Variants in KPNA4 observed in about 807,000 individuals in gnomAD.
KPNA4 encodes the protein importin subunit alpha-3.
A neutral mutation model predicts 71.3 loss-of-function variants in KPNA4; 13 were observed. That is an observed-to-expected ratio of 0.18 (90% CI 0.12 to 0.29). The LOEUF (loss-of-function observed/expected upper bound fraction) is 0.29, where lower values mean the gene tolerates loss of function less well. KPNA4 is among the 10% of genes least tolerant of loss of function. The pLI, the probability that KPNA4 is intolerant of heterozygous loss-of-function variation, is 1.00. For missense variants in KPNA4, 334 were observed against 603.2 expected, an observed-to-expected ratio of 0.55 and a Z score of 4.67; for synonymous variants, 189 against 195.2, an observed-to-expected ratio of 0.97 and a Z score of 0.26.
chr3:160,521,323 G>C (rs1042606712), intron 11 of KPNA4, among the ~76,000 whole-genome samples: 8 of 152,184 alleles, frequency 5.3e-5, no homozygotes, highest in South Asian at 2.1e-4. Context: ...ATCCGGCCAG[G>C]CATGGTGGTT....
intron 1 of KPNA4, among the ~76,000 whole-genome samples, chr3:160,548,933 C>A (rs1721984452): frequency 6.6e-6 from 1 of 152,206 alleles, no homozygotes. Flanking sequence ...GAATTCTCCA[C>A]ATCTTCACCA....
intron 1 of KPNA4, among the ~76,000 whole-genome samples, chr3:160,545,596 T>A (rs62272800): frequency 0.44 from 67,331 of 151,954 alleles, 16,435 homozygotes; most frequent in Non-Finnish European, 0.55. Context: ...GGGTAGGAAA[T>A]GGAGGCTAGC....
At chr3:160,519,188 T>G (rs974042951) in intron 11 of KPNA4, among the ~76,000 whole-genome samples, 1 of 152,206 alleles carries the variant, frequency 6.6e-6, no homozygotes, top group Non-Finnish European at 1.5e-5. Context: ...CCTAACAATA[T>G]TAGACAATCC....
chr3:160,535,442 A>C, intron 5 of KPNA4, 71 bp downstream of exon 5: 1 of 1,051,360 alleles, frequency 9.5e-7, no homozygotes, highest in Non-Finnish European at 1.4e-6. Context: ...GGACTACTCA[A>C]TAGTAAAAAT....
chr3:160,528,088 CA>C, intron 7 of KPNA4, 49 bp from the exon 8 acceptor site: 1 of 1,395,966 alleles, frequency 7.2e-7, no homozygotes, highest in African/African-American at 1.4e-5. Flanking sequence ...TACCATAAAC[CA>C]AAAATCAATC....
Position 160,530,835 on chromosome 3 carries a change from TTTA to T in KPNA4, c.469+17_469+19del. On this transcript the variant is annotated intron_variant, in intron 7 of 16. Coordinates refer to ENST00000334256, the MANE Select transcript of KPNA4 (RefSeq NM_002268.5). ...TCTTTTAAAAAAAATCACAATTATGTTTATTAATAACCAACTTACTGGACTGAA... is the reference window on the plus strand; with the variant it reads ...TCTTTTAAAAAAAATCACAATTATGTTTAATAACCAACTTACTGGACTGAA... 6.5e-7 allele frequency: 1 copy of T among 1,545,862 alleles called. No homozygotes were observed. Among genetic ancestry groups the T allele is most frequent in the Non-Finnish European group, 8.9e-7 (1 of 1,129,172 alleles).
chr3:160,525,039 C>T (rs532257800), intron 10 of KPNA4, among the ~76,000 whole-genome samples: 3 of 152,316 alleles, frequency 2.0e-5, no homozygotes, highest in Admixed American at 2.0e-4. Flanking sequence ...TTCCTGGTTT[C>T]TCTAACACAC....
chr3:160,551,238 T>C (rs533955045), intron 1 of KPNA4, among the ~76,000 whole-genome samples: 92 of 152,360 alleles, frequency 6.0e-4, no homozygotes, highest in Middle Eastern at 3.4e-3. Context: ...CCATTTCATC[T>C]AGGTTATCCA....
intron 6 of KPNA4, 105 bp downstream of exon 6, chr3:160,531,357 T>A (rs987038293): frequency 1.8e-6 from 1 of 566,202 alleles, no homozygotes; most frequent in East Asian, 3.3e-5. Context: ...CTCCATCCCA[T>A]AGCCCTTTTC....
chr3:160,535,937 A>G, intron 2 of KPNA4, 40 bp from the exon 3 acceptor site: 1 of 1,129,074 alleles, frequency 8.9e-7, no homozygotes, highest in Non-Finnish European at 1.1e-6. Context: ...CAAACAGAGA[A>G]TTTGAGTTAA....
intron 13 of KPNA4, among the ~76,000 whole-genome samples, chr3:160,510,145 A>G (rs1164711058): frequency 2.0e-5 from 3 of 152,228 alleles, no homozygotes; most frequent in African/African-American, 7.2e-5. Flanking sequence ...ATAAAATGAA[A>G]TAAAAATAGT....
At chr3:160,552,156 T>C (rs745491827) in intron 1 of KPNA4, among the ~76,000 whole-genome samples, 14 of 152,024 alleles carry the variant, frequency 9.2e-5, no homozygotes, top group Non-Finnish European at 1.8e-4. Flanking sequence ...AATGTACACA[T>C]GAAAAAGGAA....
In KPNA4 at chr3:160,516,089, C is replaced by T. The variant is rs540965725; in HGVS notation, c.904-509G>A. Among the ~76,000 whole-genome samples the T allele has an allele frequency of 1.2e-3, 177 of 152,238 alleles. 1 individual carries two copies. The highest frequency in any genetic ancestry group is 2.1e-3 in the Non-Finnish European group (145 of 68,014). ...GCAACCTCTACCTCCCAGGTTCAAG[C>T]GATTCTCCTGGCTCAGCCTCCTGAG... On this transcript the variant is annotated intron_variant, in intron 11 of 16. Coordinates refer to ENST00000334256, the MANE Select transcript of KPNA4 (RefSeq NM_002268.5).
chr3:160,508,787 T>C (rs4680591), intron 14 of KPNA4, among the ~76,000 whole-genome samples: 59,394 of 151,862 alleles, frequency 0.39, 12,942 homozygotes, highest in Non-Finnish European at 0.5. Flanking sequence ...CACAAAATGC[T>C]AGGATTACAT....
chr3:160,541,293 G>A (rs1048375342), intron 1 of KPNA4, among the ~76,000 whole-genome samples: 2 of 151,980 alleles, frequency 1.3e-5, no homozygotes, highest in East Asian at 3.9e-4. Flanking sequence ...AGCAAAGTTA[G>A]GATTTAGTTA....
intron 13 of KPNA4, among the ~76,000 whole-genome samples, chr3:160,513,465 A>C (rs534272776): frequency 6.6e-6 from 1 of 151,816 alleles, no homozygotes; most frequent in Non-Finnish European, 1.5e-5. Flanking sequence ...GAGTCCCCCT[A>C]TGTTGCCCAG....
At chr3:160,555,434 T>A (rs1000082153) in intron 1 of KPNA4, among the ~76,000 whole-genome samples, 4 of 152,206 alleles carry the variant, frequency 2.6e-5, no homozygotes, top group Admixed American at 2.6e-4. Flanking sequence ...AGACCCCCAG[T>A]AGATGCCTGA....
intron 1 of KPNA4, among the ~76,000 whole-genome samples, chr3:160,545,048 G>GATCC (rs1384417908): frequency 1.3e-5 from 2 of 152,146 alleles, no homozygotes; most frequent in Non-Finnish European, 2.9e-5. Context: ...AGATATCCTG[G>GATCC]ATCCAGTCCA....
At chr3:160,513,223 G>A (rs940864395) in intron 13 of KPNA4, among the ~76,000 whole-genome samples, 1 of 145,300 alleles carries the variant, frequency 6.9e-6, no homozygotes, top group Non-Finnish European at 1.5e-5. Flanking sequence ...GAACCCTCAT[G>A]CTGTGATTGT....
Sources: allele counts gnomAD v4.1 joint callset (sites outside exome capture counted in the v4.1 genomes callset), GRCh38; gene constraint gnomAD v4.1.1; transcripts MANE v1.5; gene names NCBI Gene and HGNC (gene_info 2026-07-23, HGNC 2026-07-21).